Variants in ERLIN2 observed in about 807,000 individuals in gnomAD.
ERLIN2 encodes the protein ER lipid raft associated 2.
ERLIN2 carries 22 observed loss-of-function variants against 41.5 expected under a neutral mutation model. The ratio of observed to expected loss-of-function variants is 0.53; its 90% confidence interval spans 0.38 to 0.76. The LOEUF is 0.76. Ranked by LOEUF, ERLIN2 falls within the 30% of genes least tolerant of loss-of-function variation. The pLI is 0.00. For synonymous variants in ERLIN2, 149 were observed against 150.9 expected (o/e 0.99, Z 0.09); for missense variants, 247 against 414.3 (o/e 0.60, Z 3.51).
chr8:37,752,941 A>G (rs1803257482), intron 10 of ERLIN2, among the ~76,000 whole-genome samples: 1 of 152,234 alleles, frequency 6.6e-6, no homozygotes, highest in Non-Finnish European at 1.5e-5. Flanking sequence ...GAGGGACTGA[A>G]CTATGTTATG....
chr8:37,752,069 C>T (rs554332968), intron 10 of ERLIN2, among the ~76,000 whole-genome samples: 1 of 152,180 alleles, frequency 6.6e-6, no homozygotes, highest in Non-Finnish European at 1.5e-5. Flanking sequence ...GCAGTTGGCT[C>T]TCCCCCTTGC....
At position 37,756,883 on chromosome 8, in the gene ERLIN2, G is replaced by A. The variant is rs550213327; in HGVS notation, c.*2768G>A. 1 of 152,460 alleles carries A rather than the reference G, an allele frequency of 6.6e-6. No individual in the cohort carries two copies. 9.4% of individuals were successfully genotyped at this position (152,460 alleles called of 1,614,324 possible). Reference sequence around the variant, plus strand: ...GGGTTTTCCAAGGAAAAATCACCTTGGTTGAATGTTTCTCACTCATTAAAC... The same window carrying A: ...GGGTTTTCCAAGGAAAAATCACCTTAGTTGAATGTTTCTCACTCATTAAAC... On this transcript the variant is annotated 3_prime_UTR_variant, in exon 12 of 12. Coordinates refer to ENST00000519638, the MANE Select transcript of ERLIN2 (RefSeq NM_007175.8).
At position 37,744,105 on chromosome 8, in the gene ERLIN2, G is replaced by A. The variant is rs941757147; in HGVS notation, c.237-250G>A. Among the ~76,000 whole-genome samples the A allele has an allele frequency of 3.9e-5, 6 of 152,088 alleles. No homozygotes were observed. In the East Asian group the frequency reaches 7.7e-4, roughly 20 times the overall value. ...TTCCAAAGATATGAGTTACTCTTTC[G>A]TACTGGTCCCCAAAAGTCTCATTCA... is the stretch of plus-strand genomic sequence containing the variant. On this transcript the variant is annotated intron_variant, in intron 4 of 11. Transcript: ENST00000519638.
chr8:37,747,223 C>A, intron 6 of ERLIN2: 1 of 699,818 alleles, frequency 1.4e-6, no homozygotes, highest in Non-Finnish European at 2.6e-6. Flanking sequence ...TGGGAAACAA[C>A]ATAAAGCCTT....
Position 37,754,094 on chromosome 8 carries a change from G to A in ERLIN2, c.999G>A (p.Glu333=). ...TTGGCTTAGAAGATGAACCCTTGGAGACGGCCACTAAGGAGAATTGAAAAA... is the reference window on the plus strand; with the variant it reads ...TTGGCTTAGAAGATGAACCCTTGGAAACGGCCACTAAGGAGAATTGAAAAA... ...LSFGLEDEPL[E]TATKEN Residue 333 remains glutamate (E), a synonymous_variant, in exon 12 of 12, where the codon GAG becomes GAA. Transcript: ENST00000519638. The A allele has an allele frequency of 1.9e-6, 3 of 1,613,970 alleles. No homozygotes were observed. The highest frequency in any genetic ancestry group is 2.5e-6 in the Non-Finnish European group (3 of 1,179,868).
intron 8 of ERLIN2, chr8:37,750,130 G>A (rs868624052): frequency 1.1e-4 from 70 of 620,432 alleles, no homozygotes; most frequent in Non-Finnish European, 1.1e-4. Context: ...GCCCAAGGTG[G>A]AGACAGGAGC....
intron 2 of ERLIN2, 100 bp downstream of exon 2, chr8:37,738,129 A>G: frequency 7.2e-7 from 1 of 1,394,698 alleles, no homozygotes; most frequent in Middle Eastern, 1.8e-4. Flanking sequence ...CTCTATTTAT[A>G]TTTCCTTGAA....
chr8:37,745,576 A>C, intron 6 of ERLIN2: 1 of 1,614,136 alleles, frequency 6.2e-7, no homozygotes, highest in Non-Finnish European at 8.5e-7. Flanking sequence ...TAGGACTGGA[A>C]AATGATTTTT....
intron 6 of ERLIN2, chr8:37,747,582 C>T (rs1317945560): frequency 1.9e-6 from 3 of 1,612,334 alleles, no homozygotes; most frequent in East Asian, 4.5e-5. Flanking sequence ...TCATCATCAC[C>T]TTCTTAGGAG....
In ERLIN2 at chr8:37,752,581, G is replaced by GC. The variant is rs1456202512; in HGVS notation, c.739+867dup. On this transcript the variant is annotated intron_variant, in intron 10 of 11. Transcript: ENST00000519638. ...CAGCAGCCAGAACCCTGGCTGGACT[G>GC]CAGGTTCCTTCCACGCGGGGTCACA... Among the ~76,000 whole-genome samples the GC allele has an allele frequency of 3.3e-5, 5 of 152,230 alleles. No individual in the cohort carries two copies. In the East Asian group the frequency reaches 9.6e-4, roughly 29 times the overall value.
Position 37,745,751 on chromosome 8 carries a change from G to A in ERLIN2, c.424+1055G>A, listed in dbSNP as rs984206307. ...TTTTAATGTTTCTGCAGTAGAAAAT[G>A]AATCTAAATTCATTTTATAGGGTTT... On this transcript the variant is annotated intron_variant, in intron 6 of 11. Coordinates refer to ENST00000519638, the MANE Select transcript of ERLIN2 (RefSeq NM_007175.8). 1.8e-5 allele frequency: 28 copies of A among 1,514,028 alleles called. No homozygotes were observed. The African/African-American group carries it at 3.9e-4, about 21-fold the overall frequency. 93.8% of individuals were successfully genotyped at this position (1,514,028 alleles called of 1,614,324 possible).
At chr8:37,747,780 C>T (rs61738830) in intron 6 of ERLIN2, 115 of 1,613,076 alleles carry the variant, frequency 7.1e-5, no homozygotes, top group Non-Finnish European at 9.6e-5. Context: ...GATACATAGT[C>T]TCTTCGTCTT....
intron 6 of ERLIN2, chr8:37,745,496 C>G: frequency 1.4e-6 from 2 of 1,463,698 alleles, no homozygotes; most frequent in South Asian, 2.3e-5. Flanking sequence ...AACTCACTGC[C>G]AGAAATTCTC....
At position 37,741,669 on chromosome 8, in the gene ERLIN2, C is replaced by G; in HGVS notation, c.190-103C>G. ...AATCATGTTTAATGAAGGCCATGCT[C>G]AACCCAAACAGTTATTCCAGGACAA... On this transcript the variant is annotated intron_variant, in intron 3 of 11. Transcript: ENST00000519638. The surrounding 1 kb of genome is among the most constrained non-coding windows in gnomAD (Gnocchi z 4.8). 3.3e-6 allele frequency: 3 copies of G among 898,996 alleles called. No individual in the cohort carries two copies. Among genetic ancestry groups the G allele is most frequent in the Non-Finnish European group, 5.6e-6 (3 of 533,402 alleles). 55.7% of individuals were successfully genotyped at this position (898,996 alleles called of 1,614,324 possible).
Position 37,737,916 on chromosome 8 carries a change from C to T in ERLIN2, c.-7C>T, listed in dbSNP as rs765953850. ...CCGTGTCTTTTCCCTAGGATAAAGG[C>T]TCACTGATGGCTCAGTTGGGAGCAG... On this transcript the variant is annotated 5_prime_UTR_variant, in exon 2 of 12. Coordinates refer to ENST00000519638, the MANE Select transcript of ERLIN2 (RefSeq NM_007175.8). The T allele has an allele frequency of 2.2e-5, 36 of 1,614,022 alleles. No individual in the cohort carries two copies. The highest frequency in any genetic ancestry group is 3.0e-5 in the Non-Finnish European group (35 of 1,180,024).
chr8:37,747,643 T>C (rs1321399465), intron 6 of ERLIN2: 4 of 1,609,800 alleles, frequency 2.5e-6, no homozygotes, highest in East Asian at 2.2e-5. Context: ...CTGGCCAAAC[T>C]TGACGACTGC....
chr8:37,750,152 A>G (rs1348218533), intron 8 of ERLIN2: 1 of 619,912 alleles, frequency 1.6e-6, no homozygotes. Flanking sequence ...AGAGACCAGT[A>G]AGTGGACAGG....
At chr8:37,753,327 C>A in intron 10 of ERLIN2, 123 bp from the exon 11 acceptor site, 1 of 763,222 alleles carries the variant, frequency 1.3e-6, no homozygotes, top group South Asian at 1.5e-5. Context: ...TGCCCCAAGT[C>A]ACAGAGGCAA....
intron 4 of ERLIN2, 80 bp from the exon 5 acceptor site, chr8:37,744,275 C>A: frequency 8.3e-7 from 1 of 1,210,774 alleles, no homozygotes; most frequent in Non-Finnish European, 1.2e-6. Flanking sequence ...CCAAGCCCCA[C>A]ATCTTACGCC....
Sources: allele counts gnomAD v4.1 joint callset (sites outside exome capture counted in the v4.1 genomes callset), GRCh38; gene constraint gnomAD v4.1.1; non-coding constraint Gnocchi (gnomAD v3.1); transcripts MANE v1.5; gene names NCBI Gene and HGNC (gene_info 2026-07-23, HGNC 2026-07-21).